CD44: variants seen among roughly 807,000 people sequenced by gnomAD.
The protein encoded by CD44 is CD44 antigen.
A neutral mutation model predicts 88.8 loss-of-function variants in CD44; 49 were observed. The ratio of observed to expected loss-of-function variants is 0.55; its 90% CI spans 0.44 to 0.70. The LOEUF (loss-of-function observed/expected upper bound fraction) is 0.70, where lower values mean the gene tolerates loss of function less well. CD44 is among the 30% of genes least tolerant of loss of function. The pLI, the probability that CD44 is intolerant of heterozygous loss-of-function variation, is 0.00. For synonymous variants in CD44, 325 were observed against 312.3 expected (o/e 1.04, Z -0.43); for missense variants, 883 against 913.8 (o/e 0.97, Z 0.43).
At chr11:35,174,466 A>AC (rs1299197605) in intron 1 of CD44, among the ~76,000 whole-genome samples, 1 of 152,222 alleles carries the variant, frequency 6.6e-6, no homozygotes, top group Non-Finnish European at 1.5e-5. Flanking sequence ...AATAAGCTTC[A>AC]CCAGGATAGT....
At chr11:35,207,303 G>C (rs571676692) in intron 11 of CD44, among the ~76,000 whole-genome samples, 2 of 152,358 alleles carry the variant, frequency 1.3e-5, no homozygotes, top group South Asian at 4.1e-4. Flanking sequence ...CACTGGGACT[G>C]ATTAAATCTC....
intron 1 of CD44, among the ~76,000 whole-genome samples, chr11:35,146,515 C>A (rs541127157): frequency 1.3e-5 from 2 of 152,184 alleles, no homozygotes; most frequent in Non-Finnish European, 2.9e-5. Context: ...CATGTACCAG[C>A]GCCATTCTAA....
intron 1 of CD44, among the ~76,000 whole-genome samples, chr11:35,157,349 A>ATCTG (rs1382026085): frequency 6.6e-6 from 1 of 151,478 alleles, no homozygotes; most frequent in Non-Finnish European, 1.5e-5. Context: ...CTATCTATCT[A>ATCTG]TCTATCTATC....
At chr11:35,176,049 T>C (rs1197714146) in intron 1 of CD44, among the ~76,000 whole-genome samples, 1 of 135,086 alleles carries the variant, frequency 7.4e-6, no homozygotes, top group Non-Finnish European at 1.6e-5. Context: ...ATTTTTTTTT[T>C]TTTTTTTTTT....
chr11:35,184,937 A>G (rs72916135), intron 3 of CD44, among the ~76,000 whole-genome samples: 3,526 of 152,220 alleles, frequency 0.023, 65 homozygotes, highest in Non-Finnish European at 0.034. Flanking sequence ...TTCTTTTTTC[A>G]TCCATTCAAC....
intron 7 of CD44, among the ~76,000 whole-genome samples, chr11:35,199,097 G>A (rs1167574672): frequency 6.6e-6 from 1 of 152,150 alleles, no homozygotes; most frequent in African/African-American, 2.4e-5. Context: ...CAAATCCAGA[G>A]TTTTAACAAA....
intron 17 of CD44, chr11:35,222,570 G>A (rs1190802623): frequency 2.2e-6 from 2 of 900,776 alleles, no homozygotes; most frequent in East Asian, 2.4e-4. Context: ...AGACCTATAG[G>A]TTTACATGTT....
chr11:35,225,551 T>C (rs1949639064), intron 17 of CD44, among the ~76,000 whole-genome samples: 1 of 152,144 alleles, frequency 6.6e-6, no homozygotes, highest in African/African-American at 2.4e-5. Context: ...GCGCGGGGGC[T>C]CACACCTGTA....
intron 3 of CD44, among the ~76,000 whole-genome samples, chr11:35,183,141 A>G (rs1392602388): frequency 6.6e-6 from 1 of 152,024 alleles, no homozygotes; most frequent in Non-Finnish European, 1.5e-5. Context: ...TAGAAGTAAT[A>G]TTTTTCCTTT....
intron 1 of CD44, among the ~76,000 whole-genome samples, chr11:35,155,117 C>T (rs536109727): frequency 3.3e-5 from 5 of 152,244 alleles, no homozygotes; most frequent in African/African-American, 1.2e-4. Context: ...CTTAATTGAC[C>T]TCTCCTTATT....
chr11:35,157,370 CT>C (rs1256810877), intron 1 of CD44, among the ~76,000 whole-genome samples: 6 of 137,836 alleles, frequency 4.4e-5, no homozygotes, highest in African/African-American at 1.3e-4. Context: ...TATCTATCAT[CT>C]GTCTGTATTC....
intron 14 of CD44, 134 bp from the exon 15 acceptor site, chr11:35,214,718 T>A: frequency 2.3e-6 from 1 of 435,972 alleles, no homozygotes; most frequent in Non-Finnish European, 4.1e-6. Context: ...AAGGCTGTTT[T>A]GCCATCATTT....
chr11:35,210,759 T>G (rs1948317834), intron 13 of CD44: 1 of 164,034 alleles, frequency 6.1e-6, no homozygotes, highest in Admixed American at 5.7e-5. Flanking sequence ...TGCTGATGAC[T>G]AAAAAGCAGT....
chr11:35,165,537 A>C (rs137885085), intron 1 of CD44, among the ~76,000 whole-genome samples: 58 of 152,332 alleles, frequency 3.8e-4, no homozygotes, highest in African/African-American at 1.4e-3. Context: ...GCAAAGCCTG[A>C]TGTACTTTAA....
intron 1 of CD44, among the ~76,000 whole-genome samples, chr11:35,175,095 T>C (rs1944317150): frequency 6.6e-6 from 1 of 152,166 alleles, no homozygotes. Context: ...GAACCACCTA[T>C]GTGACCATTT....
intron 15 of CD44, among the ~76,000 whole-genome samples, chr11:35,217,697 C>T (rs1948950060): frequency 6.6e-6 from 1 of 152,192 alleles, no homozygotes. Context: ...TCAGTGTGCA[C>T]AGCCTAAAGT....
chr11:35,201,526 A>C (rs1947315766), intron 8 of CD44, 145 bp from the exon 9 acceptor site: 2 of 898,850 alleles, frequency 2.2e-6, no homozygotes, highest in South Asian at 3.5e-5. Flanking sequence ...AATTAGGTAA[A>C]GTCACTCAAA....
chr11:35,168,739 G>T (rs938255908), intron 1 of CD44, among the ~76,000 whole-genome samples: 1 of 152,184 alleles, frequency 6.6e-6, no homozygotes, highest in African/African-American at 2.4e-5. Flanking sequence ...GAGACGTCTG[G>T]TCTGGAGAAC....
At chr11:35,142,799 G>T (rs1306476630) in intron 1 of CD44, among the ~76,000 whole-genome samples, 2 of 152,184 alleles carry the variant, frequency 1.3e-5, no homozygotes, top group Non-Finnish European at 2.9e-5. Flanking sequence ...TGGACAGCAT[G>T]AAATTCTTAG....
Sources: gnomAD v4.1 joint callset for allele counts (sites outside exome capture counted in the v4.1 genomes callset) on GRCh38, gnomAD v4.1.1 for gene constraint, MANE v1.5 for transcripts, NCBI Gene and HGNC (gene_info 2026-07-23, HGNC 2026-07-21) for gene names.